The following TSNARE1 variants were observed in gnomAD, a reference collection of about 807,000 sequenced individuals.
TSNARE1 encodes t-SNARE domain containing 1, also known as t-SNARE domain-containing protein 1.
A neutral mutation model predicts 62.0 loss-of-function variants in TSNARE1; 49 were observed. The observed-to-expected ratio is 0.79, with a 90% CI of 0.63 to 1.00. TSNARE1 has a LOEUF of 1.00. Ranked by LOEUF, TSNARE1 falls within the 50% of genes least tolerant of loss-of-function variation. The probability of loss-of-function intolerance (pLI) is 0.00; values close to 1 mark genes in which losing one functional copy is unlikely to be tolerated. For synonymous variants in TSNARE1, 328 were observed against 294.4 expected, an observed-to-expected ratio of 1.11 and a Z score of -1.17; for missense variants, 755 against 700.1, an observed-to-expected ratio of 1.08 and a Z score of -0.88.
At chr8:142,377,293 T>A (rs911104449) in intron 1 of TSNARE1, among the ~76,000 whole-genome samples, 20 of 150,764 alleles carry the variant, frequency 1.3e-4, no homozygotes, top group African/African-American at 4.4e-4. Context: ...AAAGAAAACA[T>A]CTACCAAATA....
At chr8:142,327,389 G>A (rs998629702) in intron 6 of TSNARE1, among the ~76,000 whole-genome samples, 7 of 152,094 alleles carry the variant, frequency 4.6e-5, no homozygotes, top group South Asian at 2.1e-4. Context: ...ACCAGCCGGC[G>A]AATGGGTGTG....
intron 1 of TSNARE1, among the ~76,000 whole-genome samples, chr8:142,389,510 G>A (rs576418028): frequency 6.6e-6 from 1 of 152,324 alleles, no homozygotes; most frequent in African/African-American, 2.4e-5. Context: ...CATGTGCAAA[G>A]CAGCATATGA....
At chr8:142,347,445 A>T (rs905803331) in intron 2 of TSNARE1, among the ~76,000 whole-genome samples, 1 of 152,166 alleles carries the variant, frequency 6.6e-6, no homozygotes. Context: ...CTGTCCCTCC[A>T]GCTCCCGGCA....
chr8:142,269,425 G>C, intron 12 of TSNARE1: 1 of 985,362 alleles, frequency 1.0e-6, no homozygotes. Context: ...GGTTAAGACT[G>C]TAACGCAAGA....
At chr8:142,364,142 G>C (rs1835364260) in intron 1 of TSNARE1, among the ~76,000 whole-genome samples, 1 of 152,212 alleles carries the variant, frequency 6.6e-6, no homozygotes, top group Non-Finnish European at 1.5e-5. Context: ...ACCTGCCCCA[G>C]CTTCCACACT....
chr8:142,264,546 T>C (rs1819041187), intron 12 of TSNARE1, among the ~76,000 whole-genome samples: 1 of 152,268 alleles, frequency 6.6e-6, no homozygotes, highest in African/African-American at 2.4e-5. Flanking sequence ...GATTCATTGA[T>C]TTCCTTCTGT....
At chr8:142,372,673 A>G (rs935503761) in intron 1 of TSNARE1, among the ~76,000 whole-genome samples, 6 of 152,144 alleles carry the variant, frequency 3.9e-5, no homozygotes, top group African/African-American at 1.4e-4. Flanking sequence ...CTGGAGGATG[A>G]GCTGAGCTCA....
At position 142,319,458 on chromosome 8, in the gene TSNARE1, G is replaced by A. The variant is rs140025280; in HGVS notation, c.894-824C>T. The stretch of plus-strand genomic sequence containing the variant: ...CGAAAGCAACTGGGAAGACCAGCCC[G>A]TCTCCCGCTTGGGGTTCGCCACCCC... On this transcript the variant is annotated intron_variant, in intron 6 of 13. Coordinates refer to ENST00000524325, the MANE Select transcript of TSNARE1 (RefSeq NM_145003.5). This position sits in a 1 kb window ranked among gnomAD's most constrained non-coding sequence, Gnocchi z 4.9. Among the ~76,000 whole-genome samples the A allele has an allele frequency of 2.2e-3, 333 of 152,166 alleles. 1 individual carries two copies. The highest frequency in any genetic ancestry group is 7.5e-3 in the African/African-American group (313 of 41,528).
At chr8:142,303,351 C>T (rs1336130835) in intron 9 of TSNARE1, among the ~76,000 whole-genome samples, 1 of 152,170 alleles carries the variant, frequency 6.6e-6, no homozygotes, top group Non-Finnish European at 1.5e-5. Context: ...GGTGCTGCTC[C>T]CAAAAACCGC....
intron 4 of TSNARE1, among the ~76,000 whole-genome samples, chr8:142,340,395 A>G (rs889160905): frequency 1.3e-5 from 2 of 152,120 alleles, no homozygotes; most frequent in African/African-American, 4.8e-5. Flanking sequence ...GAACAGGCAA[A>G]GCCGCAGGCA....
At position 142,344,165 on chromosome 8, in the gene TSNARE1, CACA is replaced by C. The variant is rs751189979; in HGVS notation, c.543_545del (p.Val182del). 38 of 1,613,230 alleles carry C rather than the reference CACA, an allele frequency of 2.4e-5. No individual in the cohort carries two copies. The highest frequency in any genetic ancestry group is 1.7e-4 in the Admixed American group (10 of 60,002). ...GGTCCCGCCACTTGTGCTTCAGGTC[CACA>C]ACGTCGCGGCGACAGTAGCCCAGCG... is the stretch of plus-strand genomic sequence containing the variant. On this transcript the variant is annotated inframe_deletion, in exon 4 of 14. Coordinates refer to ENST00000524325, the MANE Select transcript of TSNARE1 (RefSeq NM_145003.5).
chr8:142,281,697 GGAA>G (rs2130804747), intron 11 of TSNARE1, among the ~76,000 whole-genome samples: 1 of 152,228 alleles, frequency 6.6e-6, no homozygotes, highest in South Asian at 2.1e-4. Flanking sequence ...ACCCCATAGA[GGAA>G]GGGCTGTGGC....
intron 12 of TSNARE1, among the ~76,000 whole-genome samples, chr8:142,239,256 A>AC (rs1817575374): frequency 6.6e-6 from 1 of 152,034 alleles, no homozygotes; most frequent in South Asian, 2.1e-4. Context: ...CAGAGCAGAC[A>AC]CCCCTCCTTT....
chr8:142,256,590 CCAT>C (rs1818596290), intron 12 of TSNARE1, among the ~76,000 whole-genome samples: 1 of 149,970 alleles, frequency 6.7e-6, no homozygotes, highest in Non-Finnish European at 1.5e-5. Context: ...ACCACCATCA[CCAT>C]CACTATCATC....
chr8:142,227,970 G>A (rs993687802), intron 13 of TSNARE1, among the ~76,000 whole-genome samples: 6 of 152,196 alleles, frequency 3.9e-5, no homozygotes, highest in Admixed American at 6.5e-5. Context: ...CTGCAGAACT[G>A]AGCAAGGGTG....
chr8:142,316,261 G>A (rs979771461), intron 7 of TSNARE1, among the ~76,000 whole-genome samples: 4 of 151,798 alleles, frequency 2.6e-5, no homozygotes, highest in African/African-American at 9.7e-5. Flanking sequence ...CACTGCCCGA[G>A]GGCACAGGCC....
chr8:142,402,938 C>G (rs993830171), intron 1 of TSNARE1, 166 bp downstream of exon 1: 1 of 151,474 alleles, frequency 6.6e-6, no homozygotes, highest in African/African-American at 2.4e-5. Context: ...CCCTCCCCTC[C>G]CCACCGGCGC....
chr8:142,325,424 TAGG>T (rs1368138484), intron 6 of TSNARE1, among the ~76,000 whole-genome samples: 5 of 151,904 alleles, frequency 3.3e-5, no homozygotes, highest in African/African-American at 4.8e-5. Context: ...GGGGCAAGAC[TAGG>T]GGTGGGGAGG....
Position 142,344,447 on chromosome 8 carries a change from G to A in TSNARE1, c.264C>T (p.Ser88=). ...KRGPGVAPEG[S]RMPEPTSSPT... is the part of the protein sequence containing the mutation. ...GTGATGAGGTGGGCTCCGGCATCCG[G>A]CTGCCTTCAGGGGCAACCCCAGGCC... is the stretch of plus-strand genomic sequence containing the variant. Residue 88 remains serine, a synonymous_variant, in exon 4 of 14, where the codon AGC becomes AGT. Transcript: ENST00000524325. The A allele has an allele frequency of 2.5e-6, 4 of 1,574,812 alleles. No homozygotes were observed. The highest frequency in any genetic ancestry group is 2.3e-5 in the South Asian group (2 of 85,730).
Sources: allele counts gnomAD v4.1 joint callset (sites outside exome capture counted in the v4.1 genomes callset), GRCh38; gene constraint gnomAD v4.1.1; non-coding constraint Gnocchi (gnomAD v3.1); transcripts MANE v1.5; gene names NCBI Gene and HGNC (gene_info 2026-07-23, HGNC 2026-07-21).